MMS22L: variants seen among roughly 807,000 people sequenced by gnomAD.
MMS22L encodes protein MMS22-like.
Under a neutral mutation model 159.1 loss-of-function variants are expected in MMS22L, and 74 were observed. The ratio of observed to expected loss-of-function variants is 0.47; its 90% confidence interval spans 0.39 to 0.56. The LOEUF is 0.56. Among genes scored for constraint, MMS22L ranks in the 20% least tolerant of loss-of-function variants. MMS22L has a pLI of 0.00. For missense variants in MMS22L, 1,351 were observed against 1,422.1 expected (o/e 0.95, Z 0.80); for synonymous variants, 517 against 506.9 (o/e 1.02, Z -0.27).
chr6:97,264,334 T>A (rs1814838816), intron 8 of MMS22L: 1 of 152,114 alleles, frequency 6.6e-6, no homozygotes, highest in African/African-American at 2.4e-5. Flanking sequence ...ATTAGGGATT[T>A]ATAAAGATTC....
At chr6:97,218,316 T>C (rs146284729) in intron 14 of MMS22L, among the ~76,000 whole-genome samples, 1 of 152,310 alleles carries the variant, frequency 6.6e-6, no homozygotes, top group African/African-American at 2.4e-5. Flanking sequence ...GATACTGTTG[T>C]CTGCTTGCAT....
chr6:97,194,054 C>T (rs1300843330), intron 14 of MMS22L, among the ~76,000 whole-genome samples: 2 of 150,540 alleles, frequency 1.3e-5, no homozygotes, highest in Non-Finnish European at 3.0e-5. Context: ...AGCCACCGTG[C>T]CTGGCCTCAT....
chr6:97,281,881 G>A (rs1051447042), intron 2 of MMS22L, among the ~76,000 whole-genome samples: 5 of 152,168 alleles, frequency 3.3e-5, no homozygotes, highest in African/African-American at 4.8e-5. Flanking sequence ...CCTGCCCAAG[G>A]CAAAATAAGT....
chr6:97,283,408 C>G (rs1281426153), upstream of MMS22L: 1 of 150,958 alleles, frequency 6.6e-6, no homozygotes, highest in East Asian at 1.9e-4. Context: ...AAAAACAGAA[C>G]TGCTGCTGAG....
intron 3 of MMS22L, among the ~76,000 whole-genome samples, chr6:97,280,817 T>A (rs2128103976): frequency 6.6e-6 from 1 of 152,298 alleles, no homozygotes; most frequent in South Asian, 2.1e-4. Flanking sequence ...ATTATTATTT[T>A]GTGTATGCTT....
intron 2 of MMS22L, 102 bp from the exon 3 acceptor site, chr6:97,281,464 T>C: frequency 1.0e-6 from 1 of 983,766 alleles, no homozygotes; most frequent in Non-Finnish European, 1.5e-6. Context: ...ACATGACATG[T>C]ATAAAAAGTC....
Position 97,168,218 on chromosome 6 carries a change from T to C in MMS22L, c.2862A>G (p.Ala954=), listed in dbSNP as rs1029078855. 6.2e-7 allele frequency: 1 copy of C among 1,612,810 alleles called. No homozygotes were observed. The highest frequency in any genetic ancestry group is 8.5e-7 in the Non-Finnish European group (1 of 1,179,228). The part of the protein sequence containing the change: ...GMMGILVKSW[A]QIFATSKAQK... ...GGGCTTTAGAAGTGGCAAAGATTTGTGCCCATGATTTCACAAGAATTCCTA... is the reference window on the plus strand; with the variant it reads ...GGGCTTTAGAAGTGGCAAAGATTTGCGCCCATGATTTCACAAGAATTCCTA... The change falls in exon 20 of 25, where the codon GCA becomes GCG. Residue 954 remains alanine (A), a synonymous_variant. Transcript: ENST00000683635.
chr6:97,241,135 T>C (rs1346823556), intron 11 of MMS22L, among the ~76,000 whole-genome samples: 4 of 152,246 alleles, frequency 2.6e-5, no homozygotes, highest in African/African-American at 9.6e-5. Context: ...GCAAATACCA[T>C]TATTTCATTC....
At chr6:97,183,800 C>T (rs1804952471) in intron 15 of MMS22L, among the ~76,000 whole-genome samples, 2 of 152,124 alleles carry the variant, frequency 1.3e-5, no homozygotes, top group African/African-American at 4.8e-5. Flanking sequence ...GGCACTAAAA[C>T]AAAAGTGACT....
intron 6 of MMS22L, chr6:97,271,397 C>G (rs912302162): frequency 2.0e-5 from 3 of 152,066 alleles, no homozygotes; most frequent in African/African-American, 7.2e-5. Flanking sequence ...ATAAATTATT[C>G]ATTTTTATTT....
At chr6:97,197,425 G>A (rs1460873591) in intron 14 of MMS22L, among the ~76,000 whole-genome samples, 1 of 152,138 alleles carries the variant, frequency 6.6e-6, no homozygotes, top group Non-Finnish European at 1.5e-5. Context: ...TACTACCAGA[G>A]TATCACGTGG....
chr6:97,281,400 C>A, intron 2 of MMS22L, 38 bp from the exon 3 acceptor site: 1 of 1,519,214 alleles, frequency 6.6e-7, no homozygotes. Flanking sequence ...AAAAAGTATA[C>A]TAAGTACCAT....
intron 6 of MMS22L, chr6:97,272,435 C>T: frequency 3.2e-6 from 1 of 309,024 alleles, no homozygotes; most frequent in South Asian, 6.9e-5. Context: ...GATTCAATGA[C>T]TACTATGTTT....
chr6:97,276,140 CAGTA>C lies in MMS22L; in HGVS notation c.340+2705_340+2708del, dbSNP rs1207635688. On this transcript the variant is annotated intron_variant, in intron 4 of 24. Coordinates refer to ENST00000683635, the MANE Select transcript of MMS22L (RefSeq NM_001350599.2). ...TAGAACAAGAACTATACTCATCTGGCAGTAAGTAACTACATAGGGACTTCTTGGC... is the reference window on the plus strand; with the variant it reads ...TAGAACAAGAACTATACTCATCTGGCAGTAACTACATAGGGACTTCTTGGC... 6.6e-5 allele frequency among the ~76,000 whole-genome samples: 10 copies of C among 152,274 alleles called. No homozygotes were observed. In the East Asian group the frequency reaches 1.5e-3, roughly 23 times the overall value.
Position 97,272,565 on chromosome 6 carries a change from A to C in MMS22L, c.606+139T>G, listed in dbSNP as rs1815855305. 5 of 686,582 alleles carry C rather than the reference A, an allele frequency of 7.3e-6. No homozygotes were observed. The South Asian group carries it at 8.4e-5, about 11-fold the overall frequency. The allele number at this position is 686,582 out of a possible 1,614,324, so 42.5% of individuals were successfully genotyped here. ...CCAAAAGCACACAATTAATAAAAGG[A>C]GGATGGGGGGCAAGAATTTCAACTC... On this transcript the variant is annotated intron_variant, in intron 6 of 24. Transcript: ENST00000683635.
chr6:97,186,003 T>C (rs1027039297), intron 15 of MMS22L, among the ~76,000 whole-genome samples: 1 of 152,134 alleles, frequency 6.6e-6, no homozygotes, highest in Non-Finnish European at 1.5e-5. Flanking sequence ...TTTAGGTTAA[T>C]AATCAAATTA....
chr6:97,260,573 G>A (rs1438450061), intron 9 of MMS22L: 1 of 152,026 alleles, frequency 6.6e-6, no homozygotes, highest in Non-Finnish European at 1.5e-5. Context: ...CTTATTCAAG[G>A]TGTTTTTCTA....
chr6:97,265,255 G>C (rs1204811813), intron 8 of MMS22L: 4 of 152,190 alleles, frequency 2.6e-5, no homozygotes, highest in Admixed American at 2.6e-4. Flanking sequence ...ATGACACGGG[G>C]AAAGGACAGC....
intron 22 of MMS22L, among the ~76,000 whole-genome samples, chr6:97,155,502 C>T (rs1234333951): frequency 1.3e-5 from 2 of 152,110 alleles, no homozygotes; most frequent in African/African-American, 2.4e-5. Flanking sequence ...TGTGATGTTC[C>T]CCTCCCTGTG....
Sources: allele counts gnomAD v4.1 joint callset (sites outside exome capture counted in the v4.1 genomes callset), GRCh38; gene constraint gnomAD v4.1.1; transcripts MANE v1.5; gene names NCBI Gene and HGNC (gene_info 2026-07-23, HGNC 2026-07-21).